The following CSRNP3 variants were observed in gnomAD, a reference collection of about 807,000 sequenced individuals.
CSRNP3 encodes the protein cysteine/serine-rich nuclear protein 3.
In CSRNP3, 12 loss-of-function variants were observed where a neutral mutation model predicts 48.0. The observed-to-expected ratio is 0.25, with a 90% CI of 0.16 to 0.41. CSRNP3 has a LOEUF of 0.41. CSRNP3 is among the 10% of genes least tolerant of loss of function. The pLI, the probability that CSRNP3 is intolerant of heterozygous loss-of-function variation, is 1.00. For missense variants in CSRNP3, 580 were observed against 724.4 expected, an observed-to-expected ratio of 0.80 and a Z score of 2.29; for synonymous variants, 263 against 269.7, an observed-to-expected ratio of 0.98 and a Z score of 0.24.
At chr2:165,657,612 A>C in intron 4 of CSRNP3, 149 bp from the exon 5 acceptor site, 2 of 841,484 alleles carry the variant, frequency 2.4e-6, no homozygotes, top group Non-Finnish European at 1.9e-6. Flanking sequence ...TTAGAACTCT[A>C]TGCCAACTCT....
chr2:165,489,031 A>C (rs1267069287), intron 1 of CSRNP3, among the ~76,000 whole-genome samples: 7 of 142,480 alleles, frequency 4.9e-5, no homozygotes. Flanking sequence ...AAGGATCAAC[A>C]AAATTGATAG....
intron 3 of CSRNP3, among the ~76,000 whole-genome samples, chr2:165,553,621 T>C (rs1356531362): frequency 6.6e-6 from 1 of 152,218 alleles, no homozygotes; most frequent in East Asian, 1.9e-4. Flanking sequence ...CTCATCTTCA[T>C]GATCTTGTTT....
intron 1 of CSRNP3, among the ~76,000 whole-genome samples, chr2:165,473,059 T>C (rs932340292): frequency 1.3e-5 from 2 of 152,100 alleles, no homozygotes; most frequent in Admixed American, 1.3e-4. Flanking sequence ...TTATGTGACC[T>C]GTGTAGACAA....
At chr2:165,547,535 T>A (rs1218251395) in intron 3 of CSRNP3, among the ~76,000 whole-genome samples, 1 of 152,110 alleles carries the variant, frequency 6.6e-6, no homozygotes, top group Non-Finnish European at 1.5e-5. Flanking sequence ...TTAGAGAGAT[T>A]GAGCATCTTT....
At position 165,637,910 on chromosome 2, in the gene CSRNP3, A is replaced by G. The variant is rs190048921; in HGVS notation, c.149-19851A>G. Among the ~76,000 whole-genome samples the G allele has an allele frequency of 3.5e-3, 534 of 152,322 alleles. 7 individuals carry two copies. Among genetic ancestry groups the G allele is most frequent in the African/African-American group, 0.012 (518 of 41,578 alleles). ...ATTAACCCAGTATTTTTTAAAATGT[A>G]CTATTATATAGTTGCTACAAATTAT... On this transcript the variant is annotated intron_variant, in intron 4 of 6. Coordinates refer to ENST00000651982, the MANE Select transcript of CSRNP3 (RefSeq NM_001172173.2).
intron 1 of CSRNP3, among the ~76,000 whole-genome samples, chr2:165,476,553 G>A (rs1683964922): frequency 6.6e-6 from 1 of 152,240 alleles, no homozygotes; most frequent in Admixed American, 6.5e-5. Context: ...GTGTGATTCA[G>A]TCATGCAGGC....
chr2:165,607,430 A>G (rs1004906829), intron 4 of CSRNP3, among the ~76,000 whole-genome samples: 1 of 152,152 alleles, frequency 6.6e-6, no homozygotes, highest in Non-Finnish European at 1.5e-5. Context: ...AGATCCTTTC[A>G]TACATATTTA....
At chr2:165,482,019 C>T (rs1469014339) in intron 1 of CSRNP3, among the ~76,000 whole-genome samples, 1 of 151,924 alleles carries the variant, frequency 6.6e-6, no homozygotes, top group African/African-American at 2.4e-5. Flanking sequence ...ATACACCAAG[C>T]CCCTGTGACA....
At chr2:165,667,022 G>GAGAGAGGAAGAA (rs1687237605) in intron 5 of CSRNP3, among the ~76,000 whole-genome samples, 1 of 29,666 alleles carries the variant, frequency 3.4e-5, no homozygotes, top group Non-Finnish European at 1.1e-4. Flanking sequence ...AGGAAGGAAA[G>GAGAGAGGAAGAA]AGAGAGAGGA....
chr2:165,613,964 C>T (rs759984319), intron 4 of CSRNP3, among the ~76,000 whole-genome samples: 7 of 151,532 alleles, frequency 4.6e-5, no homozygotes, highest in Non-Finnish European at 1.0e-4. Flanking sequence ...ATAGAGATTG[C>T]GTAGATTTGT....
chr2:165,660,787 G>T (rs749399660), intron 5 of CSRNP3, among the ~76,000 whole-genome samples: 2 of 152,166 alleles, frequency 1.3e-5, no homozygotes, highest in African/African-American at 2.4e-5. Flanking sequence ...CTAGTGTCAG[G>T]TATCAGTTTG....
intron 3 of CSRNP3, among the ~76,000 whole-genome samples, chr2:165,520,783 TTATATATATATATATATA>T (rs869287628): frequency 6.7e-5 from 2 of 29,730 alleles, no homozygotes; most frequent in Non-Finnish European, 1.0e-4. Context: ...TATATATATA[TTATATATATATATATATA>T]TATATATATA....
intron 3 of CSRNP3, among the ~76,000 whole-genome samples, chr2:165,555,675 T>C (rs897374724): frequency 2.0e-5 from 3 of 152,124 alleles, no homozygotes; most frequent in Non-Finnish European, 2.9e-5. Flanking sequence ...ATCAATACAA[T>C]TGGGCAAATA....
intron 3 of CSRNP3, among the ~76,000 whole-genome samples, chr2:165,567,398 G>C (rs1685312156): frequency 6.6e-6 from 1 of 152,200 alleles, no homozygotes; most frequent in South Asian, 2.1e-4. Context: ...TCTTCTCTGT[G>C]TCACTTTGTA....
chr2:165,639,070 T>C (rs1364291293), intron 4 of CSRNP3, among the ~76,000 whole-genome samples: 2 of 152,214 alleles, frequency 1.3e-5, no homozygotes, highest in African/African-American at 2.4e-5. Context: ...ATTAAACTTA[T>C]GACCAACAAC....
rs532797493 is a variant in CSRNP3, at chr2:165,662,311, C to CA, written c.408+4293dup. On this transcript the variant is annotated intron_variant, in intron 5 of 6. Coordinates refer to ENST00000651982, the MANE Select transcript of CSRNP3 (RefSeq NM_001172173.2). ...ATGTATTACCTTAGTAGAACAAATCCAATTCTATTTGGGGGAGTTCAAGTG... is the reference window on the plus strand; with the variant it reads ...ATGTATTACCTTAGTAGAACAAATCCAAATTCTATTTGGGGGAGTTCAAGTG... Among the ~76,000 whole-genome samples, 83 of 152,016 alleles carry CA rather than the reference C, an allele frequency of 5.5e-4. No homozygotes were observed. In the East Asian group the frequency reaches 7.0e-3, roughly 13 times the overall value.
At chr2:165,656,838 CTA>C (rs1687012959) in intron 4 of CSRNP3, among the ~76,000 whole-genome samples, 1 of 152,034 alleles carries the variant, frequency 6.6e-6, no homozygotes, top group East Asian at 1.9e-4. Flanking sequence ...AGGGTTTGTA[CTA>C]TGTGTCTTTT....
At chr2:165,660,725 T>G (rs1388323951) in intron 5 of CSRNP3, among the ~76,000 whole-genome samples, 1 of 152,228 alleles carries the variant, frequency 6.6e-6, no homozygotes, top group Non-Finnish European at 1.5e-5. Context: ...ATTACTAATT[T>G]GTTTTTTAAA....
At chr2:165,525,643 G>A (rs539584232) in intron 3 of CSRNP3, among the ~76,000 whole-genome samples, 2 of 151,318 alleles carry the variant, frequency 1.3e-5, no homozygotes, top group East Asian at 1.9e-4. Flanking sequence ...GTGACACCAC[G>A]CTCGGCTAAT....
Sources: allele counts gnomAD v4.1 joint callset (sites outside exome capture counted in the v4.1 genomes callset), GRCh38; gene constraint gnomAD v4.1.1; transcripts MANE v1.5; gene names NCBI Gene and HGNC (gene_info 2026-07-23, HGNC 2026-07-21).